The following ADAMTS12 variants were observed in gnomAD, a reference collection of about 807,000 sequenced individuals.
The protein encoded by ADAMTS12 is A disintegrin and metalloproteinase with thrombospondin motifs 12.
ADAMTS12 carries 118 observed loss-of-function variants against 167.8 expected under a neutral mutation model. The ratio of observed to expected loss-of-function variants is 0.70; its 90% CI spans 0.61 to 0.82. The LOEUF (loss-of-function observed/expected upper bound fraction) is 0.82, where lower values mean the gene tolerates loss of function less well. Ranked by LOEUF, ADAMTS12 falls within the 40% of genes least tolerant of loss-of-function variation. The probability of loss-of-function intolerance (pLI) is 0.00; values close to 1 mark genes in which losing one functional copy is unlikely to be tolerated. For missense variants in ADAMTS12, 1,916 were observed against 1,998.8 expected (o/e 0.96, Z 0.79); for synonymous variants, 704 against 716.9 (o/e 0.98, Z 0.29).
intron 13 of ADAMTS12, among the ~76,000 whole-genome samples, chr5:33,626,140 A>G: frequency 6.6e-6 from 1 of 152,188 alleles, no homozygotes; most frequent in East Asian, 1.9e-4. Context: ...CCATCTTACC[A>G]TCAATTACAA....
intron 3 of ADAMTS12, among the ~76,000 whole-genome samples, chr5:33,721,798 T>G (rs1157237449): frequency 6.6e-6 from 1 of 152,208 alleles, no homozygotes; most frequent in Admixed American, 6.5e-5. Flanking sequence ...TTTTCAAGGA[T>G]AAGTTTTTGC....
rs1428026872 is a variant in ADAMTS12 at position 33,527,319 on chromosome 5, G to A, written c.4654C>T (p.Leu1552=). Residue 1552 remains leucine (L), a synonymous_variant, in exon 24 of 24, where the codon CTG becomes TTG. Coordinates refer to ENST00000504830, the MANE Select transcript of ADAMTS12 (RefSeq NM_030955.4). ...ACAGAACATTTCTTCATGGCTTTCA[G>A]TGTCTGGCAGAAACTGGCTGACAGT... is the stretch of plus-strand genomic sequence containing the variant. ...DKLSASFCQT[L]KAMKKCSVPT... The A allele has an allele frequency of 6.2e-7, 1 of 1,614,058 alleles. No homozygotes were observed. Among genetic ancestry groups the A allele is most frequent in the Non-Finnish European group, 8.5e-7 (1 of 1,180,044 alleles).
chr5:33,639,459 C>T (rs1314743599), intron 11 of ADAMTS12, among the ~76,000 whole-genome samples: 2 of 152,138 alleles, frequency 1.3e-5, no homozygotes, highest in Non-Finnish European at 1.5e-5. Flanking sequence ...GGAAATGAGG[C>T]TAGTTGGGAA....
intron 19 of ADAMTS12, among the ~76,000 whole-genome samples, chr5:33,570,466 T>G (rs1746267584): frequency 6.6e-6 from 1 of 152,162 alleles, no homozygotes; most frequent in African/African-American, 2.4e-5. Context: ...AAAAGAATTT[T>G]CAACCCAGAA....
intron 2 of ADAMTS12, among the ~76,000 whole-genome samples, chr5:33,863,396 A>G (rs1032340543): frequency 2.0e-5 from 3 of 152,230 alleles, no homozygotes; most frequent in Non-Finnish European, 4.4e-5. Context: ...CTATACATCC[A>G]TAATAGGCAA....
At chr5:33,539,698 T>G (rs1026555473) in intron 22 of ADAMTS12, among the ~76,000 whole-genome samples, 1 of 152,182 alleles carries the variant, frequency 6.6e-6, no homozygotes, top group Non-Finnish European at 1.5e-5. Flanking sequence ...AATCAATGAA[T>G]GCACTGAATA....
intron 20 of ADAMTS12, among the ~76,000 whole-genome samples, chr5:33,557,489 T>C (rs1008196638): frequency 6.6e-6 from 1 of 152,112 alleles, no homozygotes; most frequent in African/African-American, 2.4e-5. Context: ...ATTTGGACTT[T>C]AGACATCCAT....
intron 2 of ADAMTS12, among the ~76,000 whole-genome samples, chr5:33,763,206 G>A (rs752071650): frequency 6.6e-6 from 1 of 152,154 alleles, no homozygotes; most frequent in Non-Finnish European, 1.5e-5. Flanking sequence ...GCAGAAGGGA[G>A]TTTGCAGATG....
chr5:33,850,363 G>A (rs1033683724), intron 2 of ADAMTS12, among the ~76,000 whole-genome samples: 1 of 152,184 alleles, frequency 6.6e-6, no homozygotes, highest in Non-Finnish European at 1.5e-5. Context: ...AGGCCTTCTT[G>A]TTCCCTTTCA....
At chr5:33,690,910 C>T (rs1448340007) in intron 3 of ADAMTS12, among the ~76,000 whole-genome samples, 2 of 152,148 alleles carry the variant, frequency 1.3e-5, no homozygotes, top group African/African-American at 4.8e-5. Flanking sequence ...GCGGAGGAGG[C>T]TGCTGGGGGC....
At chr5:33,886,992 A>T (rs1315451736) in intron 1 of ADAMTS12, among the ~76,000 whole-genome samples, 1 of 152,024 alleles carries the variant, frequency 6.6e-6, no homozygotes, top group Non-Finnish European at 1.5e-5. Context: ...GCTACCCGGG[A>T]TCACTGTGGA....
intron 16 of ADAMTS12, among the ~76,000 whole-genome samples, chr5:33,606,557 T>C (rs1042338050): frequency 5.3e-5 from 8 of 152,158 alleles, no homozygotes; most frequent in African/African-American, 1.7e-4. Context: ...TGCAGACAAC[T>C]TACCTTTGAA....
intron 2 of ADAMTS12, among the ~76,000 whole-genome samples, chr5:33,774,731 A>G (rs1745857045): frequency 6.6e-6 from 1 of 152,186 alleles, no homozygotes; most frequent in Non-Finnish European, 1.5e-5. Flanking sequence ...ACATTAACCC[A>G]TTTTGTATCT....
chr5:33,582,628 C>T (rs1387095931), intron 18 of ADAMTS12, among the ~76,000 whole-genome samples: 2 of 152,138 alleles, frequency 1.3e-5, no homozygotes, highest in South Asian at 2.1e-4. Flanking sequence ...TGTACTTTAT[C>T]GATTCTCAGT....
intron 2 of ADAMTS12, among the ~76,000 whole-genome samples, chr5:33,849,247 A>AATAT (rs376486325): frequency 9.8e-6 from 1 of 102,034 alleles, no homozygotes; most frequent in East Asian, 3.6e-4. Flanking sequence ...ATTGCATAGC[A>AATAT]ATATATATAT....
At chr5:33,828,174 A>G (rs1357013239) in intron 2 of ADAMTS12, among the ~76,000 whole-genome samples, 1 of 152,194 alleles carries the variant, frequency 6.6e-6, no homozygotes, top group Non-Finnish European at 1.5e-5. Flanking sequence ...CCTGTTTTCT[A>G]TATCTGCCAA....
intron 3 of ADAMTS12, among the ~76,000 whole-genome samples, chr5:33,686,410 A>G (rs1742325732): frequency 6.6e-6 from 1 of 152,140 alleles, no homozygotes. Context: ...ATGGGTGAGA[A>G]GCGTGTAGAA....
chr5:33,574,743 T>TATA (rs754642024), intron 19 of ADAMTS12, among the ~76,000 whole-genome samples: 9 of 152,046 alleles, frequency 5.9e-5, no homozygotes, highest in African/African-American at 2.2e-4. Flanking sequence ...AACTTAAAAG[T>TATA]ATAATAATAA....
intron 2 of ADAMTS12, among the ~76,000 whole-genome samples, chr5:33,801,193 T>G (rs562409382): frequency 6.6e-6 from 1 of 152,218 alleles, no homozygotes; most frequent in Non-Finnish European, 1.5e-5. Flanking sequence ...GATTTTGGAC[T>G]TCTGGCCTCT....
Sources: gnomAD v4.1 joint callset for allele counts (sites outside exome capture counted in the v4.1 genomes callset) on GRCh38, gnomAD v4.1.1 for gene constraint, MANE v1.5 for transcripts, NCBI Gene and HGNC (gene_info 2026-07-23, HGNC 2026-07-21) for gene names.